Variants in MICAL3 observed in about 807,000 individuals in gnomAD.
MICAL3 encodes microtubule associated monooxygenase, calponin and LIM domain containing 3, also known as [F-actin]-monooxygenase MICAL3.
A neutral mutation model predicts 207.4 loss-of-function variants in MICAL3; 62 were observed. The ratio of observed to expected loss-of-function variants is 0.30; its 90% confidence interval spans 0.24 to 0.37. The LOEUF is 0.37. Ranked by LOEUF, MICAL3 falls within the 10% of genes least tolerant of loss-of-function variation. MICAL3 has a pLI of 1.00. For synonymous variants in MICAL3, 1,077 were observed against 1,069.3 expected (o/e 1.01, Z -0.14); for missense variants, 2,368 against 2,635.6 (o/e 0.90, Z 2.22).
chr22:17,899,016 T>A (rs1437837955), intron 7 of MICAL3, among the ~76,000 whole-genome samples: 1 of 152,210 alleles, frequency 6.6e-6, no homozygotes, highest in Non-Finnish European at 1.5e-5. Flanking sequence ...TCCCAAAAGA[T>A]AACTCTTCAA....
intron 1 of MICAL3, among the ~76,000 whole-genome samples, chr22:17,978,192 G>A (rs1287073427): frequency 1.3e-5 from 2 of 152,092 alleles, no homozygotes; most frequent in Admixed American, 6.6e-5. Flanking sequence ...TACATAAAAT[G>A]GAATATTATT....
intron 25 of MICAL3, among the ~76,000 whole-genome samples, chr22:17,820,412 T>C (rs968721317): frequency 6.6e-6 from 1 of 152,226 alleles, no homozygotes; most frequent in Non-Finnish European, 1.5e-5. Flanking sequence ...TGGAGTGCAG[T>C]GGTGCCATCT....
intron 1 of MICAL3, among the ~76,000 whole-genome samples, chr22:17,929,552 TCTTTC>T (rs1933121863): frequency 7.1e-6 from 1 of 140,352 alleles, no homozygotes; most frequent in Non-Finnish European, 1.5e-5. Flanking sequence ...CATTTTTCTT[TCTTTC>T]CTTTTCTTTT....
rs745600484 is a variant in MICAL3, at chr22:17,841,950, G to A, written c.2673C>T (p.Ile891=). ...GGGACAGGCGGTAGTTCTCCAGCTC[G>A]ATCCGCTCTGGGGTGCCCCTCAGTC... ...AKRLRGTPER[I]ELENYRLSLR... Residue 891 remains isoleucine (I), a synonymous_variant, in exon 20 of 32, where the codon ATC becomes ATT. Transcript: ENST00000441493. This position sits in a 1 kb window ranked among gnomAD's most constrained non-coding sequence, Gnocchi z 4.2. 35 of 1,606,152 alleles carry A rather than the reference G, an allele frequency of 2.2e-5. No homozygotes were observed. The highest frequency in any genetic ancestry group is 3.4e-5 in the Admixed American group (2 of 59,660).
chr22:17,983,157 C>A (rs369646803), intron 1 of MICAL3: 1 of 152,176 alleles, frequency 6.6e-6, no homozygotes, highest in Non-Finnish European at 1.5e-5. Flanking sequence ...CCTCCCAAAG[C>A]GCTGGGATTA....
chr22:17,860,589 C>G, intron 19 of MICAL3: 1 of 985,522 alleles, frequency 1.0e-6, no homozygotes, highest in South Asian at 4.7e-5. Flanking sequence ...CAGAAAAGAG[C>G]TGAAGATGCA....
At chr22:17,808,726 C>T in intron 29 of MICAL3, 118 bp downstream of exon 29, 2 of 811,230 alleles carry the variant, frequency 2.5e-6, no homozygotes, top group Non-Finnish European at 1.9e-6. Context: ...TGAAGGGCCC[C>T]AGAAAATCCT....
intron 1 of MICAL3, among the ~76,000 whole-genome samples, chr22:17,919,874 T>C (rs546247915): frequency 8.5e-5 from 13 of 152,272 alleles, no homozygotes; most frequent in Admixed American, 7.8e-4. Flanking sequence ...CTGTTCCCTA[T>C]AAAAAGAAAC....
At chr22:17,916,844 T>G (rs1932553264) in intron 1 of MICAL3, among the ~76,000 whole-genome samples, 1 of 152,134 alleles carries the variant, frequency 6.6e-6, no homozygotes, top group Admixed American at 6.5e-5. Context: ...CTACATCTCC[T>G]TCTACATCAG....
chr22:17,832,463 G>C (rs368768622), intron 20 of MICAL3, among the ~76,000 whole-genome samples: 2 of 152,278 alleles, frequency 1.3e-5, no homozygotes, highest in East Asian at 3.9e-4. Flanking sequence ...AGCTCCTCAC[G>C]GAGCCCATGG....
chr22:17,792,549 A>G (rs1032475412), intron 29 of MICAL3, among the ~76,000 whole-genome samples: 1 of 152,180 alleles, frequency 6.6e-6, no homozygotes, highest in African/African-American at 2.4e-5. Flanking sequence ...GTCCTCCCTC[A>G]CTGCTAGCTG....
chr22:17,935,991 A>G lies in MICAL3; in HGVS notation c.-74-29105T>C, dbSNP rs531900907. 4.2e-3 allele frequency among the ~76,000 whole-genome samples: 645 copies of G among 152,306 alleles called. 2 individuals carry two copies. Among genetic ancestry groups the G allele is most frequent in the African/African-American group, 0.015 (614 of 41,562 alleles). On this transcript the variant is annotated intron_variant, in intron 1 of 31. Coordinates refer to ENST00000441493, the MANE Select transcript of MICAL3 (RefSeq NM_015241.3). ...ACACTGTTGGTGGGAGTGTAAATTG[A>G]TTCAACCATTGTGGAAGACAGTGTG...
chr22:17,951,705 T>C (rs1934356772), intron 1 of MICAL3, among the ~76,000 whole-genome samples: 1 of 151,138 alleles, frequency 6.6e-6, no homozygotes, highest in Non-Finnish European at 1.5e-5. Flanking sequence ...TTCTTTCTTT[T>C]TTTTTTTTTG....
intron 11 of MICAL3, among the ~76,000 whole-genome samples, chr22:17,892,616 G>A (rs986657527): frequency 2.0e-5 from 3 of 152,156 alleles, no homozygotes; most frequent in Non-Finnish European, 4.4e-5. Context: ...TCTCCTATGT[G>A]TATATCCAAC....
intron 1 of MICAL3, among the ~76,000 whole-genome samples, chr22:17,928,530 T>C (rs994917775): frequency 2.6e-5 from 4 of 152,100 alleles, no homozygotes; most frequent in African/African-American, 4.8e-5. Context: ...GGTGAACACA[T>C]TCACTCACTG....
Position 17,791,002 on chromosome 22 carries a change from C to T in MICAL3, c.5820G>A (p.Val1940=), listed in dbSNP as rs762794392. The T allele has an allele frequency of 6.2e-7, 1 of 1,612,446 alleles. No homozygotes were observed. Among genetic ancestry groups the T allele is most frequent in the East Asian group, 2.2e-5 (1 of 44,786 alleles). Residue 1940 remains valine (V), a synonymous_variant, in exon 31 of 32, where the codon GTG becomes GTA. Transcript: ENST00000441493. ...TGGGTGCCTTACCCCACTCACCTTC[C>T]ACTGCCATGCGTTCCCGGAGCTCCT... ...LQQELRERMA[V]EDHLKTEEEL... is the part of the protein sequence containing the mutation.
chr22:17,964,576 T>C (rs1312742948), intron 1 of MICAL3, among the ~76,000 whole-genome samples: 1 of 152,182 alleles, frequency 6.6e-6, no homozygotes, highest in African/African-American at 2.4e-5. Flanking sequence ...AGATTAAAAA[T>C]TTAAAATCAA....
chr22:17,865,925 T>C lies in MICAL3; in HGVS notation c.2516A>G (p.Lys839Arg). 6.2e-7 allele frequency: 1 copy of C among 1,612,392 alleles called. No individual in the cohort carries two copies. Among genetic ancestry groups the C allele is most frequent in the Non-Finnish European group, 8.5e-7 (1 of 1,178,374 alleles). ...KRPAVAPLSG[K>R]EAKGPLQDGA... ...CACTTACAGGAGAGTCACCATTACC[T>C]TTCCAGACAGGGGAGCCACTGCCGG... Residue 839 changes from lysine (K) to arginine (R), a missense_variant and splice_region_variant, in exon 18 of 32, where the codon AAG (lysine) becomes AGG (arginine). Around this residue, in one of 4 missense-constraint regions of MICAL3, gnomAD observed 1,770 missense variants for 1,863.2 expected, o/e 0.95. Transcript: ENST00000441493.
At chr22:17,991,866 C>T (rs1160317763) in intron 1 of MICAL3, among the ~76,000 whole-genome samples, 1 of 152,092 alleles carries the variant, frequency 6.6e-6, no homozygotes, top group African/African-American at 2.4e-5. Context: ...ATGGGGGGCT[C>T]GCTACTGTGC....
Sources: gnomAD v4.1 joint callset for allele counts (sites outside exome capture counted in the v4.1 genomes callset) on GRCh38, gnomAD v4.1.1 for gene constraint, gnomAD v4.1.1 regional missense constraint, Gnocchi (gnomAD v3.1) non-coding constraint, MANE v1.5 for transcripts, NCBI Gene and HGNC (gene_info 2026-07-23, HGNC 2026-07-21) for gene names.